ERBB4: variants seen among roughly 807,000 people sequenced by gnomAD.
ERBB4 encodes receptor tyrosine-protein kinase erbB-4.
Under a neutral mutation model 158.0 loss-of-function variants are expected in ERBB4, and 42 were observed. That is an observed-to-expected ratio of 0.27 (90% CI 0.21 to 0.34). The LOEUF (loss-of-function observed/expected upper bound fraction) is 0.34. Ranked by LOEUF, ERBB4 falls within the 10% of genes least tolerant of loss-of-function variation. The pLI is 1.00. For missense variants in ERBB4, 1,333 were observed against 1,624.1 expected (o/e 0.82, Z 3.08); for synonymous variants, 583 against 558.7 (o/e 1.04, Z -0.61).
chr2:211,585,269 G>A (rs1192253491), intron 19 of ERBB4, among the ~76,000 whole-genome samples: 1 of 147,636 alleles, frequency 6.8e-6, no homozygotes, highest in Non-Finnish European at 1.5e-5. Context: ...GGAGAATGGC[G>A]TGAACCTGGG....
rs2125570866 is a variant in ERBB4, at chr2:212,124,804, C to T, written c.182G>A (p.Gly61Asp). ...CTCAATGCTGGTTATCTCCAGGTTG[C>T]CCATGACAACCTCACAGTTTTCATA... ...KYYENCEVVM[G>D]NLEITSIEHN... Residue 61 changes from glycine to aspartate, a missense_variant, in exon 2 of 28, where the codon GGC (glycine) becomes GAC (aspartate). Gly to Asp is a moderately conservative substitution (Grantham distance 94, BLOSUM62 -1). This residue lies in a region of ERBB4 where 438 missense variants were observed against 586.9 expected (regional missense o/e 0.75). Coordinates refer to ENST00000342788, the MANE Select transcript of ERBB4 (RefSeq NM_005235.3). The T allele has an allele frequency of 6.8e-6, 11 of 1,614,046 alleles. No individual in the cohort carries two copies. Among genetic ancestry groups the T allele is most frequent in the Non-Finnish European group, 9.3e-6 (11 of 1,179,928 alleles).
chr2:211,571,038 C>CCTCTTTTTTTTTTTTTTTTT lies in ERBB4; in HGVS notation c.2302-8951_2302-8950insAAAAAAAAAAAAAAAAAGAG, dbSNP rs1437512949. Among the ~76,000 whole-genome samples the CCTCTTTTTTTTTTTTTTTTT allele has an allele frequency of 2.7e-4, 16 of 58,760 alleles. 1 individual carries two copies. The highest frequency in any genetic ancestry group is 1.1e-3 in the African/African-American group (14 of 13,194). The allele number at this position is 58,760 out of a possible 152,430, so 38.5% of individuals were successfully genotyped here. On this transcript the variant is annotated intron_variant, in intron 19 of 27. Coordinates refer to ENST00000342788, the MANE Select transcript of ERBB4 (RefSeq NM_005235.3). Reference sequence around the variant, plus strand: ...GATTTTTCACTCTCTGAGTACTCTTCTTCTTTTTTTTTTTTTTTTTTTTGA... The same window carrying CCTCTTTTTTTTTTTTTTTTT: ...GATTTTTCACTCTCTGAGTACTCTTCCTCTTTTTTTTTTTTTTTTTTTCTTTTTTTTTTTTTTTTTTTTGA...
At chr2:211,554,953 T>C (rs2067198060) in intron 20 of ERBB4, among the ~76,000 whole-genome samples, 1 of 152,220 alleles carries the variant, frequency 6.6e-6, no homozygotes, top group South Asian at 2.1e-4. Context: ...TGCTAAATTG[T>C]CTTTTAAAAA....
intron 1 of ERBB4, among the ~76,000 whole-genome samples, chr2:212,327,987 A>G (rs1413015341): frequency 1.3e-5 from 2 of 150,972 alleles, no homozygotes; most frequent in African/African-American, 2.4e-5. Flanking sequence ...ACAGTTTTCC[A>G]GTTAACAAAT....
At chr2:212,471,931 C>T (rs1490275839) in intron 1 of ERBB4, among the ~76,000 whole-genome samples, 1 of 151,840 alleles carries the variant, frequency 6.6e-6, no homozygotes, top group East Asian at 1.9e-4. Context: ...CCTCCTCTGA[C>T]TCAAATTAGG....
chr2:212,067,161 C>T (rs2077971212), intron 2 of ERBB4, among the ~76,000 whole-genome samples: 1 of 151,904 alleles, frequency 6.6e-6, no homozygotes, highest in South Asian at 2.1e-4. Context: ...TTTACCTGAT[C>T]CCTTCAGAAA....
intron 2 of ERBB4, among the ~76,000 whole-genome samples, chr2:211,956,411 A>G (rs566853385): frequency 3.9e-5 from 6 of 152,150 alleles, no homozygotes; most frequent in Non-Finnish European, 8.8e-5. Context: ...CATTGTCCAT[A>G]TGATGATGAG....
intron 1 of ERBB4, among the ~76,000 whole-genome samples, chr2:212,165,915 T>C (rs1053178778): frequency 6.6e-6 from 1 of 152,108 alleles, no homozygotes; most frequent in Non-Finnish European, 1.5e-5. Flanking sequence ...CATAACACTT[T>C]AATTTTTGCT....
intron 3 of ERBB4, among the ~76,000 whole-genome samples, chr2:211,923,205 T>C (rs1348358224): frequency 6.6e-6 from 1 of 152,050 alleles, no homozygotes; most frequent in Non-Finnish European, 1.5e-5. Context: ...TTTTAAAACA[T>C]CTGGGAAGGA....
In ERBB4 at chr2:211,485,681, C is replaced by T. The variant is rs373251737; in HGVS notation, c.2488-54581G>A. Reference sequence around the variant, plus strand: ...GGGATTATGCTTTGTCTTGAATATCCAGGAACATGTCGCACCCCAAACTCA... The same window carrying T: ...GGGATTATGCTTTGTCTTGAATATCTAGGAACATGTCGCACCCCAAACTCA... On this transcript the variant is annotated intron_variant, in intron 20 of 27. Coordinates refer to ENST00000342788, the MANE Select transcript of ERBB4 (RefSeq NM_005235.3). Among the ~76,000 whole-genome samples the T allele has an allele frequency of 6.9e-5, 10 of 145,320 alleles. No homozygotes were observed. In the East Asian group the frequency reaches 1.2e-3, roughly 18 times the overall value.
chr2:211,772,949 A>ATG (rs1441700991), intron 4 of ERBB4, among the ~76,000 whole-genome samples: 1 of 75,048 alleles, frequency 1.3e-5, no homozygotes, highest in African/African-American at 7.6e-5. Context: ...ATATATATAT[A>ATG]TATATATTTT....
chr2:211,671,210 G>GA (rs1450976807), intron 14 of ERBB4, among the ~76,000 whole-genome samples: 3 of 152,016 alleles, frequency 2.0e-5, no homozygotes, highest in Non-Finnish European at 4.4e-5. Context: ...AAGATAATGT[G>GA]AAAAAATTAA....
intron 1 of ERBB4, among the ~76,000 whole-genome samples, chr2:212,314,568 A>T (rs1017859502): frequency 6.6e-6 from 1 of 151,244 alleles, no homozygotes; most frequent in Non-Finnish European, 1.5e-5. Flanking sequence ...TTTAAAAAAA[A>T]TCCAAAATAA....
At chr2:212,184,616 A>G (rs1162814548) in intron 1 of ERBB4, among the ~76,000 whole-genome samples, 1 of 151,390 alleles carries the variant, frequency 6.6e-6, no homozygotes, top group East Asian at 1.9e-4. Context: ...AGATTGAATA[A>G]AAGTAAACAA....
chr2:211,991,828 C>T (rs2082080983), intron 2 of ERBB4, among the ~76,000 whole-genome samples: 1 of 152,072 alleles, frequency 6.6e-6, no homozygotes, highest in Non-Finnish European at 1.5e-5. Context: ...TGGATTTCTC[C>T]CCTAAGTCTT....
At chr2:212,446,522 G>T (rs1407945859) in intron 1 of ERBB4, among the ~76,000 whole-genome samples, 1 of 134,898 alleles carries the variant, frequency 7.4e-6, no homozygotes, top group African/African-American at 2.8e-5. Context: ...ACCTCAGCTT[G>T]CAGACAGCCT....
intron 1 of ERBB4, among the ~76,000 whole-genome samples, chr2:212,369,945 G>T (rs1044103456): frequency 3.3e-5 from 5 of 152,070 alleles, no homozygotes; most frequent in African/African-American, 1.2e-4. Context: ...GTCTTCAAAT[G>T]TTTTTAGGAT....
intron 2 of ERBB4, among the ~76,000 whole-genome samples, chr2:212,010,900 G>A (rs115144800): frequency 0.053 from 8,023 of 152,106 alleles, 268 homozygotes; most frequent in South Asian, 0.11. Context: ...AGATTTTAGC[G>A]ATATCTCTCC....
At chr2:212,114,291 A>G (rs897823004) in intron 2 of ERBB4, among the ~76,000 whole-genome samples, 3 of 152,228 alleles carry the variant, frequency 2.0e-5, no homozygotes, top group Non-Finnish European at 2.9e-5. Context: ...CCAGAACAGA[A>G]CTTAGCCAGC....
Sources: allele counts gnomAD v4.1 joint callset (sites outside exome capture counted in the v4.1 genomes callset), GRCh38; gene constraint gnomAD v4.1.1; regional missense constraint gnomAD v4.1.1; transcripts MANE v1.5; gene names NCBI Gene and HGNC (gene_info 2026-07-23, HGNC 2026-07-21).